Variants in DNAJA2 observed in about 807,000 individuals in gnomAD.
DNAJA2 encodes dnaJ homolog subfamily A member 2.
Under a neutral mutation model 49.3 loss-of-function variants are expected in DNAJA2, and 6 were observed. The ratio of observed to expected loss-of-function variants is 0.12; its 90% confidence interval spans 0.07 to 0.24. The LOEUF is 0.24. Ranked by LOEUF, DNAJA2 falls within the 10% of genes least tolerant of loss-of-function variation. The pLI, the probability that DNAJA2 is intolerant of heterozygous loss-of-function variation, is 1.00. For synonymous variants in DNAJA2, 160 were observed against 172.7 expected, an observed-to-expected ratio of 0.93 and a Z score of 0.58; for missense variants, 347 against 516.8, an observed-to-expected ratio of 0.67 and a Z score of 3.19.
intron 3 of DNAJA2, among the ~76,000 whole-genome samples, chr16:46,969,319 C>A (rs1018794634): frequency 5.3e-5 from 8 of 152,208 alleles, no homozygotes; most frequent in Admixed American, 3.9e-4. Context: ...ACATTACCAA[C>A]AACACTGTCA....
At chr16:46,968,755 T>TA (rs1159149373) in intron 3 of DNAJA2, among the ~76,000 whole-genome samples, 1 of 152,160 alleles carries the variant, frequency 6.6e-6, no homozygotes, top group Non-Finnish European at 1.5e-5. Context: ...AGGGATAGAA[T>TA]AGTTTTTCAT....
intron 6 of DNAJA2, among the ~76,000 whole-genome samples, chr16:46,960,442 A>G (rs956478637): frequency 3.3e-5 from 5 of 152,226 alleles, no homozygotes; most frequent in African/African-American, 9.7e-5. Flanking sequence ...GTTCCTCACA[A>G]TGGGACCAAT....
chr16:46,959,158 A>G (rs1567352491), intron 7 of DNAJA2, 28 bp from the exon 8 acceptor site: 2 of 1,581,198 alleles, frequency 1.3e-6, no homozygotes. Flanking sequence ...ATGATTAATA[A>G]TTTTACCCAA....
In DNAJA2 at chr16:46,957,014, ATTTG is replaced by A; in HGVS notation, c.*11_*14del. 6.2e-7 allele frequency: 1 copy of A among 1,614,090 alleles called. No homozygotes were observed. Among genetic ancestry groups the A allele is most frequent in the Non-Finnish European group, 8.5e-7 (1 of 1,179,952 alleles). On this transcript the variant is annotated 3_prime_UTR_variant, in exon 9 of 9. Coordinates refer to ENST00000317089, the MANE Select transcript of DNAJA2 (RefSeq NM_005880.4). Reference sequence around the variant, plus strand: ...TGTGGAAAGAAAATCCACCTGTGCAATTTGTTTGCAGAGTTTACTGATGGGCACA... The same window carrying A: ...TGTGGAAAGAAAATCCACCTGTGCAATTTGCAGAGTTTACTGATGGGCACA...
At chr16:46,959,154 A>T (rs753971451) in intron 7 of DNAJA2, 24 bp from the exon 8 acceptor site, 1 of 1,582,680 alleles carries the variant, frequency 6.3e-7, no homozygotes, top group Admixed American at 1.9e-5. Flanking sequence ...GGAAATGATT[A>T]ATAATTTTAC....
intron 8 of DNAJA2, 33 bp downstream of exon 8, chr16:46,958,970 A>T: frequency 6.4e-7 from 1 of 1,557,558 alleles, no homozygotes; most frequent in Non-Finnish European, 8.7e-7. Context: ...CAAACTTGGA[A>T]GTCAACTGTT....
At chr16:46,970,116 T>C (rs1962023633) in intron 3 of DNAJA2, among the ~76,000 whole-genome samples, 1 of 152,232 alleles carries the variant, frequency 6.6e-6, no homozygotes, top group African/African-American at 2.4e-5. Flanking sequence ...AATAAGTACC[T>C]GAACTTCGGC....
chr16:46,969,421 T>C (rs1962016010), intron 3 of DNAJA2, among the ~76,000 whole-genome samples: 1 of 152,174 alleles, frequency 6.6e-6, no homozygotes, highest in Non-Finnish European at 1.5e-5. Context: ...AAAATCGGCT[T>C]TCTTCCCCTA....
At chr16:46,966,099 C>A (rs1449532022) in intron 5 of DNAJA2, among the ~76,000 whole-genome samples, 3 of 152,094 alleles carry the variant, frequency 2.0e-5, no homozygotes, top group Non-Finnish European at 4.4e-5. Context: ...TGGCAAGCAC[C>A]TATGGTCTCA....
intron 8 of DNAJA2, among the ~76,000 whole-genome samples, chr16:46,957,822 AC>A (rs1961836804): frequency 6.6e-6 from 1 of 152,094 alleles, no homozygotes; most frequent in Non-Finnish European, 1.5e-5. Flanking sequence ...ACACCAGCTT[AC>A]GATAAAGGGG....
intron 8 of DNAJA2, 76 bp from the exon 9 acceptor site, chr16:46,957,296 G>A (rs1961828633): frequency 2.2e-6 from 3 of 1,346,362 alleles, no homozygotes; most frequent in Middle Eastern, 2.6e-4. Context: ...AGAATCCAGT[G>A]TCTGTTTAAG....
intron 4 of DNAJA2, 45 bp from the exon 5 acceptor site, chr16:46,967,691 A>G: frequency 6.2e-7 from 1 of 1,612,444 alleles, no homozygotes; most frequent in Non-Finnish European, 8.5e-7. Flanking sequence ...TCCACAAACC[A>G]CTCCAATAAG....
intron 2 of DNAJA2, 48 bp from the exon 3 acceptor site, chr16:46,971,620 G>A: frequency 9.5e-7 from 1 of 1,049,968 alleles, no homozygotes; most frequent in South Asian, 1.5e-5. Flanking sequence ...TCAAGTAGAA[G>A]AGTGGGGAGA....
intron 4 of DNAJA2, among the ~76,000 whole-genome samples, 155 bp downstream of exon 4, chr16:46,967,929 C>A (rs564235428): frequency 6.6e-5 from 10 of 152,224 alleles, no homozygotes; most frequent in African/African-American, 2.4e-4. Flanking sequence ...GTGATCCACC[C>A]GACTCGGCCT....
intron 3 of DNAJA2, 46 bp downstream of exon 3, chr16:46,971,303 G>T: frequency 1.3e-6 from 2 of 1,552,974 alleles, no homozygotes; most frequent in South Asian, 1.2e-5. Context: ...TATCCCACTT[G>T]ACAAAAAGTA....
Position 46,957,029 on chromosome 16 carries a change from T to C in DNAJA2, c.1239A>G (p.Ter413=), listed in dbSNP as rs1366787632. Residue 413 remains the stop codon, a stop_retained_variant, in exon 9 of 9, where the codon TAA becomes TAG. Transcript: ENST00000317089. ...CACCTGTGCAATTTGTTTGCAGAGT[T>C]TACTGATGGGCACACTGCACTCCAG... ...HGPGVQCAHQ[*] is the part of the protein sequence containing the mutation. 6.2e-7 allele frequency: 1 copy of C among 1,614,028 alleles called. No homozygotes were observed. Among genetic ancestry groups the C allele is most frequent in the Non-Finnish European group, 8.5e-7 (1 of 1,180,028 alleles).
At chr16:46,973,405 G>T in intron 1 of DNAJA2, 90 bp downstream of exon 1, 1 of 1,191,282 alleles carries the variant, frequency 8.4e-7, no homozygotes, top group Non-Finnish European at 1.1e-6. Context: ...CGGCTCGCGG[G>T]CAGCCCAGTA....
chr16:46,968,497 C>T (rs1253711785), intron 3 of DNAJA2, among the ~76,000 whole-genome samples: 1 of 152,180 alleles, frequency 6.6e-6, no homozygotes, highest in Non-Finnish European at 1.5e-5. Flanking sequence ...AAGCCCTCCA[C>T]CTAACTCCTA....
At chr16:46,967,695 C>T in intron 4 of DNAJA2, 49 bp from the exon 5 acceptor site, 1 of 1,611,536 alleles carries the variant, frequency 6.2e-7, no homozygotes, top group Non-Finnish European at 8.5e-7. Flanking sequence ...CAAACCACTC[C>T]AATAAGCTAT....
Sources: gnomAD v4.1 joint callset for allele counts (sites outside exome capture counted in the v4.1 genomes callset) on GRCh38, gnomAD v4.1.1 for gene constraint, MANE v1.5 for transcripts, NCBI Gene and HGNC (gene_info 2026-07-23, HGNC 2026-07-21) for gene names.